The following BLTP3B variants were observed in gnomAD, a reference collection of about 807,000 sequenced individuals.
BLTP3B encodes UHRF1 (ICBP90) binding protein 1-like.
the BLTP3B span, among the ~76,000 whole-genome samples, chr12:100,114,237 G>A: frequency 3.3e-5 from 5 of 152,182 alleles, no homozygotes; most frequent in Admixed American, 6.5e-5. Flanking sequence ...TACTTCCTTG[G>A]TTATAGTGAT....
chr12:100,090,850 C>T, the BLTP3B span, among the ~76,000 whole-genome samples: 3 of 151,936 alleles, frequency 2.0e-5, no homozygotes, highest in South Asian at 2.1e-4. Flanking sequence ...AAATACTCTC[C>T]GGTACTTCTT....
At chr12:100,085,492 T>C in the BLTP3B span, among the ~76,000 whole-genome samples, 1 of 152,152 alleles carries the variant, frequency 6.6e-6, no homozygotes, top group Non-Finnish European at 1.5e-5. Flanking sequence ...AGAATTATTA[T>C]ATTGAATGTT....
At chr12:100,093,317 C>G in the BLTP3B span, among the ~76,000 whole-genome samples, 16,815 of 152,130 alleles carry the variant, frequency 0.11, 1,410 homozygotes, top group African/African-American at 0.23. Context: ...AGACCTTGTT[C>G]ACATAAATAG....
At chr12:100,084,073 C>A in the BLTP3B span, among the ~76,000 whole-genome samples, 1 of 151,872 alleles carries the variant, frequency 6.6e-6, no homozygotes, top group Admixed American at 6.6e-5. Flanking sequence ...CCTGTAATCC[C>A]AGATACTCAG....
At chr12:100,141,686 G>T in the BLTP3B span, among the ~76,000 whole-genome samples, 3 of 152,148 alleles carry the variant, frequency 2.0e-5, no homozygotes, top group Non-Finnish European at 2.9e-5. Flanking sequence ...GAACAGAAAG[G>T]GATCCTAACC....
At chr12:100,109,149 T>C in the BLTP3B span, among the ~76,000 whole-genome samples, 1 of 148,964 alleles carries the variant, frequency 6.7e-6, no homozygotes, top group African/African-American at 2.5e-5. Context: ...TAAAAGTGTC[T>C]GGCAGTTTTC....
chr12:100,048,773 T>TGAGA, the BLTP3B span, among the ~76,000 whole-genome samples: 1 of 48,474 alleles, frequency 2.1e-5, no homozygotes, highest in Non-Finnish European at 3.2e-5. Flanking sequence ...TGAGAGTGAG[T>TGAGA]GTGTGTGTGT....
At chr12:100,039,496 T>C in the BLTP3B span, 114 of 1,240,554 alleles carry the variant, frequency 9.2e-5, 1 homozygote, top group South Asian at 1.7e-3. Context: ...AAGCACTCGG[T>C]ACATTTTATT....
the BLTP3B span, among the ~76,000 whole-genome samples, chr12:100,101,076 C>T: frequency 2.0e-5 from 3 of 152,080 alleles, no homozygotes; most frequent in African/African-American, 2.4e-5. Context: ...TAGTTCTTTC[C>T]GACTCTAGCC....
the BLTP3B span, among the ~76,000 whole-genome samples, chr12:100,047,234 G>A: frequency 4.6e-5 from 7 of 152,086 alleles, no homozygotes; most frequent in African/African-American, 1.7e-4. Context: ...GAGGTGGCTC[G>A]CACCTGTAAT....
At chr12:100,059,923 G>C in the BLTP3B span, 1 of 1,612,962 alleles carries the variant, frequency 6.2e-7, no homozygotes, top group Non-Finnish European at 8.5e-7. Context: ...CTTGTACACA[G>C]CCATGAACTG....
chr12:100,044,064 C>G, the BLTP3B span, among the ~76,000 whole-genome samples: 48 of 152,088 alleles, frequency 3.2e-4, no homozygotes, highest in African/African-American at 1.1e-3. Flanking sequence ...CAAGAGGGTG[C>G]ATTCTTTTCT....
chr12:100,119,629 A>G, the BLTP3B span, among the ~76,000 whole-genome samples: 1 of 152,202 alleles, frequency 6.6e-6, no homozygotes, highest in Non-Finnish European at 1.5e-5. Flanking sequence ...GAGTCCAGAA[A>G]AAGACCCAAA....
At chr12:100,057,565 C>T in the BLTP3B span, 2 of 1,601,900 alleles carry the variant, frequency 1.2e-6, no homozygotes, top group African/African-American at 2.7e-5. Flanking sequence ...CGTATCATAA[C>T]TTTACCTTTT....
the BLTP3B span, among the ~76,000 whole-genome samples, chr12:100,098,763 G>C: frequency 6.6e-6 from 1 of 151,300 alleles, no homozygotes; most frequent in South Asian, 2.1e-4. Context: ...CAAAAAATTA[G>C]CCAGGCACAG....
the BLTP3B span, among the ~76,000 whole-genome samples, chr12:100,111,362 T>C: frequency 6.3e-5 from 9 of 143,886 alleles, no homozygotes. Context: ...GGTGTGATCA[T>C]GGCTCATTTC....
At chr12:100,073,691 T>C in the BLTP3B span, among the ~76,000 whole-genome samples, 8 of 152,156 alleles carry the variant, frequency 5.3e-5, no homozygotes, top group African/African-American at 1.9e-4. Context: ...ATCGCTCGAA[T>C]TCATTTTCCA....
At chr12:100,115,657 G>C in the BLTP3B span, among the ~76,000 whole-genome samples, 1 of 151,832 alleles carries the variant, frequency 6.6e-6, no homozygotes, top group South Asian at 2.1e-4. Context: ...GTAGCTACCT[G>C]GGAGACTGAG....
the BLTP3B span, among the ~76,000 whole-genome samples, chr12:100,063,297 T>G: frequency 2.0e-5 from 3 of 152,154 alleles, no homozygotes; most frequent in Non-Finnish European, 2.9e-5. Flanking sequence ...CAGAACTCTG[T>G]GCAGACAACC....
Sources: allele counts gnomAD v4.1 joint callset (sites outside exome capture counted in the v4.1 genomes callset), GRCh38; gene constraint gnomAD v4.1.1; transcripts MANE v1.5; gene names NCBI Gene and HGNC (gene_info 2026-07-23, HGNC 2026-07-21).